The following LRIG1 variants were observed in gnomAD, a reference collection of about 807,000 sequenced individuals.
LRIG1 encodes leucine rich repeats and immunoglobulin like domains 1.
In LRIG1, 48 loss-of-function variants were observed where a neutral mutation model predicts 99.2. That is an observed-to-expected ratio of 0.48 (90% CI 0.38 to 0.62). The LOEUF (loss-of-function observed/expected upper bound fraction) is 0.62, where lower values mean the gene tolerates loss of function less well. LRIG1 is among the 20% of genes least tolerant of loss of function. The pLI, the probability that LRIG1 is intolerant of heterozygous loss-of-function variation, is 0.00. For synonymous variants in LRIG1, 772 were observed against 596.1 expected, an observed-to-expected ratio of 1.29 and a Z score of -4.30; for missense variants, 1,646 against 1,434.4, an observed-to-expected ratio of 1.15 and a Z score of -2.38.
At chr3:66,484,890 C>T (rs544113606) in intron 1 of LRIG1, among the ~76,000 whole-genome samples, 3 of 152,122 alleles carry the variant, frequency 2.0e-5, no homozygotes, top group Non-Finnish European at 2.9e-5. Context: ...CATGGTGGCT[C>T]ACACCTGTAA....
At chr3:66,474,978 A>C (rs1476639570) in intron 1 of LRIG1, among the ~76,000 whole-genome samples, 1 of 152,212 alleles carries the variant, frequency 6.6e-6, no homozygotes, top group Non-Finnish European at 1.5e-5. Context: ...GGTACTCCAC[A>C]GCCTCTCTGT....
intron 4 of LRIG1, among the ~76,000 whole-genome samples, chr3:66,416,722 T>C (rs553990961): frequency 6.6e-6 from 1 of 152,342 alleles, no homozygotes; most frequent in Admixed American, 6.5e-5. Context: ...AGCTAAGCCC[T>C]GTTAGACAGG....
rs1700936675 is a variant in LRIG1 at position 66,379,992 on chromosome 3, T to G, written c.*271A>C. 7.3e-6 allele frequency: 2 copies of G among 274,044 alleles called. No homozygotes were observed. 17.0% of individuals were successfully genotyped at this position (274,044 alleles called of 1,614,324 possible). ...TAATTTTTTTCTGTTAACCATGCAC[T>G]AAAGATTAAAATAGCCTCTGTAAAA... is the stretch of plus-strand genomic sequence containing the variant. On this transcript the variant is annotated 3_prime_UTR_variant, in exon 19 of 19. Transcript: ENST00000273261.
chr3:66,399,080 G>A (rs1288064149), intron 9 of LRIG1, 39 bp from the exon 10 acceptor site: 2 of 1,526,982 alleles, frequency 1.3e-6, no homozygotes, highest in South Asian at 1.1e-5. Flanking sequence ...GGCCAGGGAA[G>A]GAAAGCGAAA....
At chr3:66,414,050 C>T (rs1382009356) in intron 5 of LRIG1, among the ~76,000 whole-genome samples, 2 of 152,072 alleles carry the variant, frequency 1.3e-5, no homozygotes, top group African/African-American at 4.8e-5. Flanking sequence ...ACTCTGCCTT[C>T]TAGAAGGGTA....
rs1701250238 is a variant in LRIG1 at position 66,384,192 on chromosome 3, C to G, written c.1870G>C (p.Gly624Arg). 6.2e-7 allele frequency: 1 copy of G among 1,614,050 alleles called. No individual in the cohort carries two copies. Among genetic ancestry groups the G allele is most frequent in the East Asian group, 2.2e-5 (1 of 44,888 alleles). The change falls in exon 14 of 19, where the codon GGT becomes CGT. Residue 624 changes from glycine to arginine, a missense_variant. By Grantham distance (125) the Gly-to-Arg change is moderately radical (BLOSUM62 -2). Transcript: ENST00000273261. ...TMARLECAATGHPNPQIAWQK... is the reference protein window; with the variant it reads ...TMARLECAATRHPNPQIAWQK... ...CAGGCAATCTGAGGGTTTGGGTGAC[C>G]TGTGGCAGCACATTCGAGGCGGGCC...
At chr3:66,467,525 A>G (rs568050755) in intron 1 of LRIG1, among the ~76,000 whole-genome samples, 3 of 151,596 alleles carry the variant, frequency 2.0e-5, no homozygotes, top group Non-Finnish European at 4.4e-5. Context: ...ACGCCCAGCT[A>G]ATTTTTTGTA....
At chr3:66,413,827 G>A (rs980704732) in intron 5 of LRIG1, among the ~76,000 whole-genome samples, 5 of 152,320 alleles carry the variant, frequency 3.3e-5, no homozygotes, top group Middle Eastern at 3.4e-3. Flanking sequence ...CAGGGGAGGT[G>A]AAACCCAGGT....
chr3:66,477,334 T>C (rs1394274941), intron 1 of LRIG1, among the ~76,000 whole-genome samples: 1 of 152,228 alleles, frequency 6.6e-6, no homozygotes, highest in Admixed American at 6.5e-5. Flanking sequence ...ATTTGCCCTC[T>C]GGATTCCACG....
At chr3:66,476,832 C>A (rs565424467) in intron 1 of LRIG1, among the ~76,000 whole-genome samples, 19 of 152,344 alleles carry the variant, frequency 1.2e-4, no homozygotes, top group African/African-American at 4.6e-4. Flanking sequence ...CCAAAATCCT[C>A]ATGAGGACTC....
At chr3:66,441,460 G>C (rs1486146329) in intron 3 of LRIG1, among the ~76,000 whole-genome samples, 1 of 152,120 alleles carries the variant, frequency 6.6e-6, no homozygotes, top group African/African-American at 2.4e-5. Flanking sequence ...GCTCTGAATT[G>C]ACATGAGAGA....
intron 1 of LRIG1, among the ~76,000 whole-genome samples, chr3:66,498,583 T>G (rs1701280553): frequency 6.8e-6 from 1 of 147,498 alleles, no homozygotes; most frequent in Admixed American, 6.7e-5. Context: ...AAAAAAAAAC[T>G]ACCGTATGTA....
intron 8 of LRIG1, among the ~76,000 whole-genome samples, chr3:66,406,805 G>A (rs1224754901): frequency 1.3e-5 from 2 of 152,192 alleles, no homozygotes; most frequent in Non-Finnish European, 2.9e-5. Flanking sequence ...CCCCCGACGA[G>A]GTACAAGGAG....
At position 66,386,318 on chromosome 3, in the gene LRIG1, C is replaced by A; in HGVS notation, c.1469-17G>T. On this transcript the variant is annotated splice_polypyrimidine_tract_variant and intron_variant, in intron 12 of 18. Transcript: ENST00000273261. Reference sequence around the variant, plus strand: ...GGAAGTCATCTGGGGAGAGAAGGGTCAACTGTAAAGCGCTGGGTTCTTGGT... The same window carrying A: ...GGAAGTCATCTGGGGAGAGAAGGGTAAACTGTAAAGCGCTGGGTTCTTGGT... 6.2e-7 allele frequency: 1 copy of A among 1,609,290 alleles called. No individual in the cohort carries two copies. Among genetic ancestry groups the A allele is most frequent in the South Asian group, 1.1e-5 (1 of 90,444 alleles).
At chr3:66,468,757 G>A (rs1262054920) in intron 1 of LRIG1, among the ~76,000 whole-genome samples, 2 of 152,150 alleles carry the variant, frequency 1.3e-5, no homozygotes, top group African/African-American at 2.4e-5. Flanking sequence ...AAGGTGATTC[G>A]TCCTTTCAAA....
intron 3 of LRIG1, 100 bp from the exon 4 acceptor site, chr3:66,417,366 A>G (rs1386466937): frequency 5.2e-6 from 6 of 1,160,622 alleles, no homozygotes; most frequent in African/African-American, 1.5e-5. Flanking sequence ...TATAACTACA[A>G]TGCAGTGACG....
At chr3:66,411,550 G>A (rs1252760337) in intron 6 of LRIG1, among the ~76,000 whole-genome samples, 1 of 152,148 alleles carries the variant, frequency 6.6e-6, no homozygotes, top group Non-Finnish European at 1.5e-5. Context: ...GTGGAGAATG[G>A]GTAGAGCAAG....
At chr3:66,439,354 A>G (rs939212348) in intron 3 of LRIG1, among the ~76,000 whole-genome samples, 3 of 152,254 alleles carry the variant, frequency 2.0e-5, no homozygotes, top group Non-Finnish European at 2.9e-5. Context: ...GATTTGCAGA[A>G]AAGTCACATT....
At chr3:66,426,741 C>G (rs1702993216) in intron 3 of LRIG1, among the ~76,000 whole-genome samples, 2 of 152,188 alleles carry the variant, frequency 1.3e-5, no homozygotes, top group Admixed American at 1.3e-4. Flanking sequence ...TTACAGAAGA[C>G]AGAAATCCAC....
Sources: gnomAD v4.1 joint callset for allele counts (sites outside exome capture counted in the v4.1 genomes callset) on GRCh38, gnomAD v4.1.1 for gene constraint, MANE v1.5 for transcripts, NCBI Gene and HGNC (gene_info 2026-07-23, HGNC 2026-07-21) for gene names.